The following FHIT variants were observed in gnomAD, a reference collection of about 807,000 sequenced individuals.
FHIT encodes fragile histidine triad diadenosine triphosphatase.
FHIT carries 19 observed loss-of-function variants against 17.9 expected under a neutral mutation model. The observed-to-expected ratio is 1.06, with a 90% CI of 0.74 to 1.56. The LOEUF is 1.56. Among genes scored for constraint, FHIT ranks in the 40% most tolerant of loss-of-function variants. The probability of loss-of-function intolerance (pLI) is 0.00; values close to 1 mark genes in which losing one functional copy is unlikely to be tolerated. For missense variants in FHIT, 248 were observed against 189.2 expected, an observed-to-expected ratio of 1.31 and a Z score of -1.82; for synonymous variants, 81 against 69.7, an observed-to-expected ratio of 1.16 and a Z score of -0.81.
chr3:61,009,909 G>T (rs73104225), intron 3 of FHIT, among the ~76,000 whole-genome samples: 2,417 of 152,172 alleles, frequency 0.016, 27 homozygotes, highest in Non-Finnish European at 0.021. Context: ...GAGCTTGAAG[G>T]TTTCTTTTCT....
chr3:59,949,810 C>A (rs966188362), intron 7 of FHIT, among the ~76,000 whole-genome samples: 3 of 152,188 alleles, frequency 2.0e-5, no homozygotes, highest in South Asian at 4.1e-4. Context: ...CACCTCTAAC[C>A]TATTTCTAGC....
chr3:60,306,582 C>T (rs564424365), intron 5 of FHIT, among the ~76,000 whole-genome samples: 1 of 152,224 alleles, frequency 6.6e-6, no homozygotes, highest in Non-Finnish European at 1.5e-5. Flanking sequence ...TTTCTGTCTG[C>T]GTCATTTCCA....
intron 3 of FHIT, among the ~76,000 whole-genome samples, chr3:60,948,285 G>C (rs1708724162): frequency 6.6e-6 from 1 of 152,144 alleles, no homozygotes; most frequent in Non-Finnish European, 1.5e-5. Flanking sequence ...CAGCCCATAG[G>C]TAACTACAAT....
chr3:59,882,908 G>T (rs1374007538), intron 8 of FHIT, among the ~76,000 whole-genome samples: 1 of 152,170 alleles, frequency 6.6e-6, no homozygotes, highest in Admixed American at 6.6e-5. Flanking sequence ...AATGACTTTG[G>T]CCATGACTAT....
intron 4 of FHIT, among the ~76,000 whole-genome samples, chr3:60,625,226 C>T (rs1011643600): frequency 3.9e-5 from 6 of 152,146 alleles, no homozygotes; most frequent in African/African-American, 1.4e-4. Context: ...TAGTTTTTAG[C>T]AAATTTAATG....
At chr3:60,344,781 C>G (rs567382374) in intron 5 of FHIT, among the ~76,000 whole-genome samples, 1 of 152,204 alleles carries the variant, frequency 6.6e-6, no homozygotes, top group South Asian at 2.1e-4. Context: ...TATTCTAACA[C>G]TCTTTGGAAA....
intron 5 of FHIT, among the ~76,000 whole-genome samples, chr3:60,198,181 C>A (rs1702733331): frequency 6.6e-6 from 1 of 152,066 alleles, no homozygotes; most frequent in Non-Finnish European, 1.5e-5. Flanking sequence ...CTCTCCAGGT[C>A]CAGTTCAGCA....
At chr3:60,123,508 G>GA (rs770853479) in intron 5 of FHIT, among the ~76,000 whole-genome samples, 38 of 152,064 alleles carry the variant, frequency 2.5e-4, no homozygotes, top group Admixed American at 5.9e-4. Context: ...TCCTTAAGGA[G>GA]AAAAAAAGCA....
intron 3 of FHIT, among the ~76,000 whole-genome samples, chr3:60,921,478 T>C (rs1405377602): frequency 6.6e-6 from 1 of 152,208 alleles, no homozygotes; most frequent in Non-Finnish European, 1.5e-5. Flanking sequence ...AATTAAAACT[T>C]CTCTGCTGAG....
At chr3:59,962,001 A>C (rs1357291802) in intron 7 of FHIT, among the ~76,000 whole-genome samples, 1 of 152,182 alleles carries the variant, frequency 6.6e-6, no homozygotes, top group East Asian at 1.9e-4. Context: ...AAATAAATCA[A>C]TGCAGCCTCT....
chr3:60,029,772 A>G (rs915110782), intron 5 of FHIT, among the ~76,000 whole-genome samples: 1 of 152,120 alleles, frequency 6.6e-6, no homozygotes, highest in African/African-American at 2.4e-5. Context: ...GAGGAGAATT[A>G]CCTAATTGTT....
chr3:60,120,468 T>C (rs1298965912), intron 5 of FHIT, among the ~76,000 whole-genome samples: 1 of 152,232 alleles, frequency 6.6e-6, no homozygotes, highest in African/African-American at 2.4e-5. Flanking sequence ...TTTTAGGTAT[T>C]ATTATGCTGA....
intron 3 of FHIT, among the ~76,000 whole-genome samples, chr3:60,912,503 T>G (rs1328941431): frequency 6.6e-6 from 1 of 152,232 alleles, no homozygotes; most frequent in Non-Finnish European, 1.5e-5. Flanking sequence ...TATGCCACTT[T>G]GGCATGAGGA....
intron 2 of FHIT, among the ~76,000 whole-genome samples, chr3:61,182,728 G>A (rs768206994): frequency 1.3e-5 from 2 of 152,082 alleles, no homozygotes; most frequent in Non-Finnish European, 2.9e-5. Context: ...GAACCTGAAG[G>A]AGCATGTATT....
intron 5 of FHIT, among the ~76,000 whole-genome samples, chr3:60,255,090 T>C (rs578099436): frequency 2.2e-4 from 33 of 152,336 alleles, no homozygotes; most frequent in African/African-American, 7.2e-4. Flanking sequence ...CTTGAACAGA[T>C]GGCAGAATTA....
chr3:59,760,406 C>T (rs753922074), intron 8 of FHIT, among the ~76,000 whole-genome samples: 4 of 152,268 alleles, frequency 2.6e-5, no homozygotes, highest in Non-Finnish European at 4.4e-5. Flanking sequence ...ATTGCCAAAG[C>T]GGCAAATGAG....
chr3:60,696,200 G>T (rs183502400), intron 4 of FHIT, among the ~76,000 whole-genome samples: 1 of 152,068 alleles, frequency 6.6e-6, no homozygotes, highest in African/African-American at 2.4e-5. Context: ...ATCAGTACAG[G>T]TCTTACAAAA....
intron 5 of FHIT, among the ~76,000 whole-genome samples, chr3:60,386,791 A>G (rs1701027587): frequency 6.6e-6 from 1 of 152,162 alleles, no homozygotes; most frequent in East Asian, 1.9e-4. Context: ...TGCGTTCCAG[A>G]CGATATGTGG....
intron 4 of FHIT, among the ~76,000 whole-genome samples, chr3:60,622,959 C>A (rs1234042623): frequency 6.6e-6 from 1 of 152,182 alleles, no homozygotes. Context: ...TACACACATT[C>A]ATGACTTCAA....
Sources: gnomAD v4.1 joint callset for allele counts (sites outside exome capture counted in the v4.1 genomes callset) on GRCh38, gnomAD v4.1.1 for gene constraint, MANE v1.5 for transcripts, NCBI Gene and HGNC (gene_info 2026-07-23, HGNC 2026-07-21) for gene names.